Variants in NDST3 observed in about 807,000 individuals in gnomAD.
NDST3 encodes bifunctional heparan sulfate N-deacetylase/N-sulfotransferase 3.
NDST3 carries 58 observed loss-of-function variants against 96.1 expected under a neutral mutation model. The observed-to-expected ratio is 0.60, with a 90% CI of 0.49 to 0.75. The LOEUF is 0.75. NDST3 is among the 30% of genes least tolerant of loss of function. NDST3 has a pLI of 0.00. For synonymous variants in NDST3, 333 were observed against 359.7 expected, an observed-to-expected ratio of 0.93 and a Z score of 0.84; for missense variants, 788 against 1,034.2, an observed-to-expected ratio of 0.76 and a Z score of 3.27.
chr4:118,043,475 G>A (rs2110429308), intron 1 of NDST3, among the ~76,000 whole-genome samples: 1 of 152,290 alleles, frequency 6.6e-6, no homozygotes, highest in Non-Finnish European at 1.5e-5. Flanking sequence ...CAAAGGAGAT[G>A]CTCTTTTCAC....
In NDST3 at chr4:118,247,557, AAAAGAAAGAAAGAAAG is replaced by A. The variant is rs199914100; in HGVS notation, c.2399+5418_2399+5433del. Among the ~76,000 whole-genome samples, 185 of 152,048 alleles carry A rather than the reference AAAAGAAAGAAAGAAAG, an allele frequency of 1.2e-3. 2 individuals carry two copies. The highest frequency in any genetic ancestry group is 4.4e-3 in the African/African-American group (181 of 41,534). ...ACAAGAGTGAAACTCTGTCTAAAAA[AAAAGAAAGAAAGAAAG>A]AAAGAAAGACTTTATCTGGAACTAG... On this transcript the variant is annotated intron_variant, in intron 12 of 13. Transcript: ENST00000296499.
intron 4 of NDST3, among the ~76,000 whole-genome samples, chr4:118,115,822 A>G (rs1731037997): frequency 6.6e-6 from 1 of 152,174 alleles, no homozygotes; most frequent in Admixed American, 6.5e-5. Flanking sequence ...TAGAATGTAT[A>G]CACTATATTT....
At chr4:118,156,336 CTG>C (rs1734709276) in intron 6 of NDST3, among the ~76,000 whole-genome samples, 1 of 152,210 alleles carries the variant, frequency 6.6e-6, no homozygotes, top group Non-Finnish European at 1.5e-5. Context: ...GGTTTCTCCT[CTG>C]TGTTCTCATG....
At chr4:118,080,849 A>G (rs537288971) in intron 2 of NDST3, among the ~76,000 whole-genome samples, 1 of 152,342 alleles carries the variant, frequency 6.6e-6, no homozygotes, top group South Asian at 2.1e-4. Flanking sequence ...AAGGAAGAAG[A>G]TAAACTGAAC....
chr4:118,202,342 T>C (rs781704298), intron 6 of NDST3, among the ~76,000 whole-genome samples: 4 of 152,162 alleles, frequency 2.6e-5, no homozygotes, highest in Non-Finnish European at 5.9e-5. Context: ...TTTAGAATCA[T>C]TTGTTCTGTG....
chr4:118,234,106 G>GA (rs1740482534), intron 9 of NDST3, among the ~76,000 whole-genome samples: 1 of 152,136 alleles, frequency 6.6e-6, no homozygotes. Context: ...ATAACAGCTG[G>GA]AAAATCAAGA....
Position 118,255,662 on chromosome 4 carries a change from G to A in NDST3, c.2572G>A (p.Gly858Ser). ...ACTCTCAAAGCTGCTGCACAAACTG[G>A]GTCAGCCTCTGCCATCCTGGCTGAG... ...VELSKLLHKL[G>S]QPLPSWLRQE... Residue 858 changes from glycine to serine, a missense_variant, in exon 14 of 14, where the codon GGT becomes AGT. Physicochemically the swap from Gly to Ser is moderately conservative, Grantham distance 56 (BLOSUM62 0). Around this residue, in one of 3 missense-constraint regions of NDST3, gnomAD observed 64 missense variants for 68.5 expected, o/e 0.93. Coordinates refer to ENST00000296499, the MANE Select transcript of NDST3 (RefSeq NM_004784.3). 1 of 1,613,634 alleles carries A rather than the reference G, an allele frequency of 6.2e-7. No individual in the cohort carries two copies. Among genetic ancestry groups the A allele is most frequent in the Non-Finnish European group, 8.5e-7 (1 of 1,179,724 alleles).
intron 2 of NDST3, chr4:118,055,788 T>G (rs1725389818): frequency 6.6e-6 from 1 of 151,930 alleles, no homozygotes; most frequent in Non-Finnish European, 1.5e-5. Flanking sequence ...GTAGAATATC[T>G]AGAATCAAAT....
At chr4:118,165,758 G>GA (rs1735505788) in intron 6 of NDST3, among the ~76,000 whole-genome samples, 1 of 151,820 alleles carries the variant, frequency 6.6e-6, no homozygotes, top group Non-Finnish European at 1.5e-5. Context: ...ATAGCAGAAG[G>GA]AAAAATGGGA....
intron 6 of NDST3, among the ~76,000 whole-genome samples, chr4:118,188,715 G>T (rs1737124562): frequency 6.6e-6 from 1 of 152,120 alleles, no homozygotes; most frequent in Non-Finnish European, 1.5e-5. Flanking sequence ...TTCTTATCCA[G>T]GCTTCATAAT....
chr4:118,102,835 A>G (rs777928411), intron 2 of NDST3, among the ~76,000 whole-genome samples: 1 of 152,132 alleles, frequency 6.6e-6, no homozygotes, highest in Non-Finnish European at 1.5e-5. Context: ...ATCATCTAGA[A>G]ATAATTTTCC....
intron 6 of NDST3, among the ~76,000 whole-genome samples, chr4:118,218,781 AC>A (rs1739355441): frequency 6.6e-6 from 1 of 152,158 alleles, no homozygotes; most frequent in African/African-American, 2.4e-5. Flanking sequence ...ATGATTCTAT[AC>A]TTAGAAAACC....
intron 2 of NDST3, among the ~76,000 whole-genome samples, chr4:118,095,824 T>C (rs966620805): frequency 6.6e-6 from 1 of 151,934 alleles, no homozygotes; most frequent in African/African-American, 2.4e-5. Flanking sequence ...GCATACAATA[T>C]GTGGCCATAT....
At chr4:118,209,305 C>G (rs1027880565) in intron 6 of NDST3, among the ~76,000 whole-genome samples, 4 of 152,160 alleles carry the variant, frequency 2.6e-5, no homozygotes, top group African/African-American at 7.2e-5. Context: ...ATTCATTATT[C>G]TGTCACTTTC....
intron 2 of NDST3, among the ~76,000 whole-genome samples, chr4:118,094,965 T>C (rs937146230): frequency 6.6e-6 from 1 of 151,874 alleles, no homozygotes. Flanking sequence ...GTGATGGACA[T>C]GTTAATTAGC....
At position 118,226,760 on chromosome 4, in the gene NDST3, TAA is replaced by T. The variant is rs112724503; in HGVS notation, c.1723-123_1723-122del. On this transcript the variant is annotated intron_variant, in intron 7 of 13. Transcript: ENST00000296499. ...TGCCACTTCAGGGCTTTCATTTTTTTAAAAGAGTCTATTTTTTATCCCAGCGT... is the reference window on the plus strand; with the variant it reads ...TGCCACTTCAGGGCTTTCATTTTTTTAAGAGTCTATTTTTTATCCCAGCGT... The T allele has an allele frequency of 1.7e-3, 1,129 of 659,052 alleles. 14 individuals carry two copies. The African/African-American group carries it at 0.019, about 11-fold the overall frequency. The allele number at this position is 659,052 out of a possible 1,614,324, so 40.8% of individuals were successfully genotyped here.
At chr4:118,105,447 T>C (rs868115487) in intron 3 of NDST3, among the ~76,000 whole-genome samples, 2 of 152,296 alleles carry the variant, frequency 1.3e-5, no homozygotes, top group Middle Eastern at 3.4e-3. Context: ...CTCCACTTCT[T>C]GTGCCCCTCA....
chr4:118,111,561 G>T (rs1363572514), intron 3 of NDST3, among the ~76,000 whole-genome samples: 1 of 146,084 alleles, frequency 6.8e-6, no homozygotes, highest in East Asian at 2.0e-4. Flanking sequence ...TTTTGAGATG[G>T]AGTCTCGCTC....
intron 6 of NDST3, among the ~76,000 whole-genome samples, chr4:118,212,724 A>AT (rs990286386): frequency 2.1e-4 from 32 of 152,228 alleles, no homozygotes; most frequent in African/African-American, 6.3e-4. Flanking sequence ...TGGCTGACTT[A>AT]TTTTTTCTAT....
Sources: gnomAD v4.1 joint callset for allele counts (sites outside exome capture counted in the v4.1 genomes callset) on GRCh38, gnomAD v4.1.1 for gene constraint, gnomAD v4.1.1 regional missense constraint, MANE v1.5 for transcripts, NCBI Gene and HGNC (gene_info 2026-07-23, HGNC 2026-07-21) for gene names.